Variants in DPP6 observed in about 807,000 individuals in gnomAD.
DPP6 encodes the protein A-type potassium channel modulatory protein DPP6.
In DPP6, 69 loss-of-function variants were observed where a neutral mutation model predicts 122.6. The ratio of observed to expected loss-of-function variants is 0.56; its 90% CI spans 0.46 to 0.69. DPP6 has a LOEUF of 0.69. Among genes scored for constraint, DPP6 ranks in the 30% least tolerant of loss-of-function variants. DPP6 has a pLI of 0.00. For missense variants in DPP6, 928 were observed against 1,116.9 expected (o/e 0.83, Z 2.41); for synonymous variants, 418 against 433.1 (o/e 0.97, Z 0.43).
At chr7:154,147,875 C>G (rs1313715775) in intron 1 of DPP6, among the ~76,000 whole-genome samples, 1 of 151,870 alleles carries the variant, frequency 6.6e-6, no homozygotes, top group Non-Finnish European at 1.5e-5. Flanking sequence ...TTTTTTACAG[C>G]ACATGAAATA....
intron 8 of DPP6, among the ~76,000 whole-genome samples, chr7:154,746,834 C>T (rs1257800614): frequency 6.6e-6 from 1 of 152,156 alleles, no homozygotes; most frequent in Non-Finnish European, 1.5e-5. Context: ...CAACACACGA[C>T]CAAAATATAC....
At chr7:154,883,431 C>CACGT (rs1805632957) in intron 21 of DPP6, 1 of 129,946 alleles carries the variant, frequency 7.7e-6, no homozygotes, top group African/African-American at 3.0e-5. Flanking sequence ...CTCACACACA[C>CACGT]GCTCACATTC....
chr7:154,399,949 C>T (rs919150870), intron 1 of DPP6, among the ~76,000 whole-genome samples: 3 of 152,024 alleles, frequency 2.0e-5, no homozygotes, highest in Non-Finnish European at 4.4e-5. Context: ...AGAGAGTTTG[C>T]CAAGGTCAAA....
chr7:154,062,932 T>G lies in DPP6; in HGVS notation c.243+9869T>G, dbSNP rs376001733. On this transcript the variant is annotated intron_variant, in intron 1 of 25. Coordinates refer to ENST00000377770, the MANE Select transcript of DPP6 (RefSeq NM_130797.4). ...CCACCTGGAGGACTGTGGGTGTTAG[T>G]TGTCCAGGTAGAAATTTCAAATCTT... Among the ~76,000 whole-genome samples, 111 of 132,694 alleles carry G rather than the reference T, an allele frequency of 8.4e-4. 17 individuals carry two copies. Among genetic ancestry groups the G allele is most frequent in the South Asian group, 1.4e-3 (5 of 3,604 alleles). The allele number at this position is 132,694 out of a possible 152,430, so 87.1% of individuals were successfully genotyped here. A position where few individuals can be genotyped will look rare whatever the true frequency, so the allele number is the denominator to read the frequency against.
intron 1 of DPP6, among the ~76,000 whole-genome samples, chr7:153,960,021 A>G (rs1460071667): frequency 6.6e-6 from 1 of 152,218 alleles, no homozygotes; most frequent in Non-Finnish European, 1.5e-5. Flanking sequence ...GCCTAAGTTC[A>G]ATATCAGTGT....
At chr7:153,929,117 G>T (rs1801057544) in intron 1 of DPP6, among the ~76,000 whole-genome samples, 1 of 152,160 alleles carries the variant, frequency 6.6e-6, no homozygotes, top group African/African-American at 2.4e-5. Flanking sequence ...GGTTTGATGG[G>T]ACTGCCCTGT....
In DPP6 at chr7:153,949,146, C is replaced by T. The variant is rs1395067055; in HGVS notation, c.51+61412C>T. Among the ~76,000 whole-genome samples, 3 of 152,256 alleles carry T rather than the reference C, an allele frequency of 2.0e-5. No homozygotes were observed. The East Asian group carries it at 5.8e-4, about 29-fold the overall frequency. On this transcript the variant is annotated intron_variant, in intron 1 of 25. Coordinates refer to the DPP6 transcript ENST00000404039. ...CTGCCCGGAGCATCGGCATGAGCCG[C>T]ACTGCAGTGGAGTGAGTGTTGCCTG... is the stretch of plus-strand genomic sequence containing the variant.
At chr7:154,837,889 C>T (rs1801211211) in intron 16 of DPP6, among the ~76,000 whole-genome samples, 1 of 152,206 alleles carries the variant, frequency 6.6e-6, no homozygotes, top group South Asian at 2.1e-4. Context: ...CATCTGTGTT[C>T]ATTTCTTTTT....
chr7:153,872,912 C>T, the DPP6 span, among the ~76,000 whole-genome samples: 1 of 152,214 alleles, frequency 6.6e-6, no homozygotes, highest in Non-Finnish European at 1.5e-5. Flanking sequence ...TGTACCTTAT[C>T]ATACTCTACA....
chr7:154,299,793 T>G (rs1805783914), intron 1 of DPP6, among the ~76,000 whole-genome samples: 2 of 152,206 alleles, frequency 1.3e-5, no homozygotes, highest in Admixed American at 1.3e-4. Context: ...AAACACTTGC[T>G]GATTAAATGA....
At chr7:154,670,464 G>T (rs1310146835) in intron 7 of DPP6, among the ~76,000 whole-genome samples, 1 of 152,234 alleles carries the variant, frequency 6.6e-6, no homozygotes, top group Non-Finnish European at 1.5e-5. Flanking sequence ...ATGTAGTGAA[G>T]AATTTGGATA....
intron 6 of DPP6, among the ~76,000 whole-genome samples, chr7:154,643,498 T>C (rs1477313506): frequency 7.1e-6 from 1 of 141,832 alleles, no homozygotes; most frequent in Non-Finnish European, 1.5e-5. Context: ...AGACAGAGTC[T>C]CACTCTGTTG....
intron 15 of DPP6, among the ~76,000 whole-genome samples, chr7:154,805,314 G>T (rs1033835336): frequency 6.6e-6 from 1 of 152,034 alleles, no homozygotes; most frequent in African/African-American, 2.4e-5. Flanking sequence ...CAGATTTTTT[G>T]TAGGGAGCAG....
At chr7:153,809,871 G>A in the DPP6 span, among the ~76,000 whole-genome samples, 4 of 141,814 alleles carry the variant, frequency 2.8e-5, no homozygotes, top group African/African-American at 1.0e-4. Context: ...TAATTGATGT[G>A]AGAACTTTCA....
At chr7:154,829,512 G>A (rs1800460268) in intron 16 of DPP6, among the ~76,000 whole-genome samples, 1 of 150,364 alleles carries the variant, frequency 6.7e-6, no homozygotes, top group South Asian at 2.1e-4. Flanking sequence ...AGGAAGGAAG[G>A]AAAATGGAGA....
intron 8 of DPP6, among the ~76,000 whole-genome samples, chr7:154,751,504 A>C (rs1262871732): frequency 6.7e-6 from 1 of 150,356 alleles, no homozygotes; most frequent in East Asian, 2.0e-4. Context: ...CCACTACTCT[A>C]GAGGCTGAGG....
chr7:154,049,221 CAT>C (rs965900918), upstream of DPP6, among the ~76,000 whole-genome samples: 3 of 144,712 alleles, frequency 2.1e-5, no homozygotes, highest in African/African-American at 5.3e-5. Flanking sequence ...GAAATATTGA[CAT>C]GTTTCCTTCC....
intron 1 of DPP6, among the ~76,000 whole-genome samples, chr7:153,964,546 C>T (rs1795539177): frequency 6.6e-6 from 1 of 152,164 alleles, no homozygotes; most frequent in South Asian, 2.1e-4. Context: ...GGCTCCAAAC[C>T]CCAAGTCTGC....
At chr7:154,331,500 T>C (rs1808939167) in intron 1 of DPP6, among the ~76,000 whole-genome samples, 1 of 152,170 alleles carries the variant, frequency 6.6e-6, no homozygotes, top group South Asian at 2.1e-4. Context: ...GGCCCTTGAA[T>C]TCCCACTTCA....
Sources: allele counts gnomAD v4.1 joint callset (sites outside exome capture counted in the v4.1 genomes callset), GRCh38; gene constraint gnomAD v4.1.1; transcripts MANE v1.5; gene names NCBI Gene and HGNC (gene_info 2026-07-23, HGNC 2026-07-21).